DLGAP1: variants seen among roughly 807,000 people sequenced by gnomAD.
DLGAP1 encodes disks large-associated protein 1.
In DLGAP1, 11 loss-of-function variants were observed where a neutral mutation model predicts 90.8. The observed-to-expected ratio is 0.12, with a 90% confidence interval of 0.08 to 0.20. The LOEUF is 0.20. Ranked by LOEUF, DLGAP1 falls within the 10% of genes least tolerant of loss-of-function variation. DLGAP1 has a pLI of 1.00. For synonymous variants in DLGAP1, 558 were observed against 540.7 expected (o/e 1.03, Z -0.44); for missense variants, 1,050 against 1,333.8 (o/e 0.79, Z 3.31).
Position 3,711,767 on chromosome 18 carries a change from A to G in DLGAP1, c.1591+17368T>C, listed in dbSNP as rs1222752534. Reference sequence around the variant, plus strand: ...GGTGGGAGGCTTGCTTGAGCCCGGGAGATCAAGGCTGTTGTGAGCCATGAT... The same window carrying G: ...GGTGGGAGGCTTGCTTGAGCCCGGGGGATCAAGGCTGTTGTGAGCCATGAT... On this transcript the variant is annotated intron_variant, in intron 7 of 12. Coordinates refer to ENST00000315677, the MANE Select transcript of DLGAP1 (RefSeq NM_004746.4). This position sits in a 1 kb window ranked among gnomAD's most constrained non-coding sequence, Gnocchi z 4.0. 6.6e-6 allele frequency among the ~76,000 whole-genome samples: 1 copy of G among 152,188 alleles called. No individual in the cohort carries two copies. The highest frequency in any genetic ancestry group is 2.4e-5 in the African/African-American group (1 of 41,442).
chr18:3,754,902 AT>A (rs1164847210), intron 5 of DLGAP1, among the ~76,000 whole-genome samples: 5 of 152,060 alleles, frequency 3.3e-5, no homozygotes, highest in South Asian at 2.1e-4. Flanking sequence ...CTAAAAAAAA[AT>A]ATGTATTATA....
intron 1 of DLGAP1, among the ~76,000 whole-genome samples, chr18:4,315,294 T>C (rs950808192): frequency 6.6e-6 from 1 of 152,198 alleles, no homozygotes; most frequent in African/African-American, 2.4e-5. Context: ...TGATTATTAT[T>C]GTTATTACTA....
intron 7 of DLGAP1, among the ~76,000 whole-genome samples, chr18:3,586,250 A>G (rs2145465234): frequency 6.6e-6 from 1 of 152,300 alleles, no homozygotes; most frequent in East Asian, 1.9e-4. Context: ...GGCAGGAACC[A>G]TCTCCCATGT....
intron 1 of DLGAP1, among the ~76,000 whole-genome samples, chr18:4,436,291 TG>T: frequency 6.6e-6 from 1 of 152,274 alleles, no homozygotes; most frequent in African/African-American, 2.4e-5. Context: ...TATAAGTGCC[TG>T]TCTGGAGACA....
chr18:3,556,112 C>T (rs1285860672), intron 9 of DLGAP1, among the ~76,000 whole-genome samples: 2 of 152,182 alleles, frequency 1.3e-5, no homozygotes, highest in Non-Finnish European at 1.5e-5. Context: ...CCGCTTTCCT[C>T]CAACCCCTTT....
intron 3 of DLGAP1, among the ~76,000 whole-genome samples, chr18:3,965,509 A>G (rs924506155): frequency 2.0e-5 from 3 of 152,228 alleles, no homozygotes; most frequent in Non-Finnish European, 4.4e-5. Flanking sequence ...TTATCTAGAT[A>G]CTGGAGTAGG....
At chr18:3,716,279 T>C (rs1028180541) in intron 7 of DLGAP1, among the ~76,000 whole-genome samples, 1 of 152,254 alleles carries the variant, frequency 6.6e-6, no homozygotes, top group Non-Finnish European at 1.5e-5. Context: ...CTGGATATGG[T>C]GGCTCATTCC....
chr18:3,886,932 T>G (rs1374834295), intron 3 of DLGAP1, among the ~76,000 whole-genome samples: 1 of 152,194 alleles, frequency 6.6e-6, no homozygotes, highest in Non-Finnish European at 1.5e-5. Flanking sequence ...AATAGTGATC[T>G]TTCCCATGAG....
chr18:4,421,256 C>T (rs1342574418), intron 1 of DLGAP1, among the ~76,000 whole-genome samples: 2 of 152,094 alleles, frequency 1.3e-5, no homozygotes, highest in African/African-American at 2.4e-5. Flanking sequence ...AGCCACATCT[C>T]TCTCTCTCTC....
At chr18:3,706,487 A>C (rs1282570817) in intron 7 of DLGAP1, among the ~76,000 whole-genome samples, 4 of 152,216 alleles carry the variant, frequency 2.6e-5, no homozygotes, top group African/African-American at 7.2e-5. Flanking sequence ...AAGAGCAAGC[A>C]TCAACAGCTC....
intron 2 of DLGAP1, among the ~76,000 whole-genome samples, chr18:4,030,077 C>G (rs1285245437): frequency 6.6e-6 from 1 of 152,136 alleles, no homozygotes; most frequent in Non-Finnish European, 1.5e-5. Flanking sequence ...ACTGCAATGT[C>G]CACCTCCTGG....
chr18:4,145,030 C>G (rs191241951), intron 2 of DLGAP1, among the ~76,000 whole-genome samples: 1 of 152,154 alleles, frequency 6.6e-6, no homozygotes, highest in Non-Finnish European at 1.5e-5. Flanking sequence ...AGTACTTAAT[C>G]GGTCATTTTA....
At chr18:4,392,480 T>C (rs1336309950) in intron 1 of DLGAP1, among the ~76,000 whole-genome samples, 1 of 152,146 alleles carries the variant, frequency 6.6e-6, no homozygotes, top group Admixed American at 6.6e-5. Flanking sequence ...AAGTTTCAGA[T>C]GCTCCAAGAA....
rs376498774 is a variant in DLGAP1, at chr18:4,449,800, T to C, written c.-267+5206A>G. Among the ~76,000 whole-genome samples, 8 of 152,250 alleles carry C rather than the reference T, an allele frequency of 5.3e-5. No homozygotes were observed. The East Asian group carries it at 1.2e-3, about 22-fold the overall frequency. ...TTCCCTGATTAAATGACTTTTCAGCTGAAGTCCAGGAAAGAGGGAACAATG... is the reference window on the plus strand; with the variant it reads ...TTCCCTGATTAAATGACTTTTCAGCCGAAGTCCAGGAAAGAGGGAACAATG... On this transcript the variant is annotated intron_variant, in intron 1 of 12. Coordinates refer to ENST00000315677, the MANE Select transcript of DLGAP1 (RefSeq NM_004746.4).
At chr18:3,507,244 G>T (rs1402510501) in intron 11 of DLGAP1, among the ~76,000 whole-genome samples, 1 of 152,140 alleles carries the variant, frequency 6.6e-6, no homozygotes, top group Non-Finnish European at 1.5e-5. Flanking sequence ...CCAGCACTTT[G>T]GGAGGCCAAG....
intron 7 of DLGAP1, among the ~76,000 whole-genome samples, chr18:3,595,252 C>G (rs780516784): frequency 6.6e-6 from 1 of 152,190 alleles, no homozygotes; most frequent in Non-Finnish European, 1.5e-5. Context: ...ATCAAAGTAA[C>G]TGCTGTCTTC....
chr18:4,086,736 C>T (rs1410162306), intron 2 of DLGAP1, among the ~76,000 whole-genome samples: 1 of 151,766 alleles, frequency 6.6e-6, no homozygotes, highest in African/African-American at 2.4e-5. Context: ...TTGGTGAATG[C>T]TCCATATGCA....
chr18:4,002,612 A>G (rs2074216551), intron 3 of DLGAP1, among the ~76,000 whole-genome samples: 1 of 152,206 alleles, frequency 6.6e-6, no homozygotes, highest in Non-Finnish European at 1.5e-5. Flanking sequence ...TACATATAAC[A>G]TACAACATAT....
At chr18:3,873,450 TG>T (rs1276111331) in intron 4 of DLGAP1, among the ~76,000 whole-genome samples, 1 of 152,192 alleles carries the variant, frequency 6.6e-6, no homozygotes, top group African/African-American at 2.4e-5. Context: ...TCAATGAATG[TG>T]GTGGATGGGA....
Sources: allele counts gnomAD v4.1 joint callset (sites outside exome capture counted in the v4.1 genomes callset), GRCh38; gene constraint gnomAD v4.1.1; non-coding constraint Gnocchi (gnomAD v3.1); transcripts MANE v1.5; gene names NCBI Gene and HGNC (gene_info 2026-07-23, HGNC 2026-07-21).